Variants in NUP93 observed in about 807,000 individuals in gnomAD.
NUP93 encodes the protein nuclear pore complex protein Nup93.
In NUP93, 55 loss-of-function variants were observed where a neutral mutation model predicts 107.8. The observed-to-expected ratio is 0.51, with a 90% CI of 0.41 to 0.64. The LOEUF (loss-of-function observed/expected upper bound fraction) is 0.64, where lower values mean the gene tolerates loss of function less well. NUP93 is among the 30% of genes least tolerant of loss of function. The probability of loss-of-function intolerance (pLI) is 0.00; values close to 1 mark genes in which losing one functional copy is unlikely to be tolerated. For missense variants in NUP93, 937 were observed against 1,044.7 expected (o/e 0.90, Z 1.42); for synonymous variants, 390 against 397.5 (o/e 0.98, Z 0.22).
At chr16:56,782,341 G>C in intron 3 of NUP93, 1 of 374,342 alleles carries the variant, frequency 2.7e-6, no homozygotes, top group Non-Finnish European at 3.7e-6. Context: ...AGATAAATTT[G>C]GAAGCAGTTA....
intron 8 of NUP93, among the ~76,000 whole-genome samples, chr16:56,828,736 GTTGTGT>G (rs1259548849): frequency 1.3e-5 from 2 of 152,220 alleles, no homozygotes; most frequent in Non-Finnish European, 2.9e-5. Context: ...GAAGTCCACA[GTTGTGT>G]TCCTCCAGGG....
At chr16:56,740,080 C>T (rs1174387745) in intron 1 of NUP93, among the ~76,000 whole-genome samples, 1 of 118,858 alleles carries the variant, frequency 8.4e-6, no homozygotes, top group Non-Finnish European at 1.8e-5. Context: ...GAGGGCTCAC[C>T]CCCCCACCTC....
chr16:56,777,806 T>C (rs1196511574), intron 3 of NUP93, among the ~76,000 whole-genome samples: 1 of 152,232 alleles, frequency 6.6e-6, no homozygotes, highest in Non-Finnish European at 1.5e-5. Context: ...CGCCTTAGTA[T>C]GTTACCACCT....
chr16:56,823,708 G>A lies in NUP93; in HGVS notation c.656G>A (p.Ser219Asn), dbSNP rs1182878018. Residue 219 changes from serine (S) to asparagine (N), a missense_variant and splice_region_variant, in exon 8 of 22, where the codon AGC becomes AAC. Physicochemically the swap from Ser to Asn is conservative, Grantham distance 46. Transcript: ENST00000308159. The stretch of plus-strand genomic sequence containing the variant: ...ACATGCAGTTTCATTTATGTGCAGA[G>A]CATTTCCGACATGTGGACCATGGTA... ...CASVAELDDK[S>N]ISDMWTMVKQ... The A allele has an allele frequency of 1.2e-6, 2 of 1,614,010 alleles. No individual in the cohort carries two copies. The highest frequency in any genetic ancestry group is 1.7e-5 in the Admixed American group (1 of 60,014).
intron 3 of NUP93, among the ~76,000 whole-genome samples, chr16:56,788,912 C>A (rs1962691354): frequency 6.6e-6 from 1 of 152,174 alleles, no homozygotes; most frequent in African/African-American, 2.4e-5. Context: ...GATGACTTTC[C>A]CTGTAGCTTT....
chr16:56,763,752 G>C (rs1962170826), intron 3 of NUP93, among the ~76,000 whole-genome samples: 2 of 151,924 alleles, frequency 1.3e-5, no homozygotes, highest in African/African-American at 4.8e-5. Context: ...AAAACTTCCT[G>C]AATGTTCCCT....
rs530376730 is a variant in NUP93 at position 56,805,114 on chromosome 16, A to G, written c.361-390A>G. Among the ~76,000 whole-genome samples the G allele has an allele frequency of 5.5e-4, 83 of 151,970 alleles. 3 individuals carry two copies. In the South Asian group the frequency reaches 0.017, roughly 31 times the overall value. ...GCTCTGTCACCCAGGAGGGAATGCA[A>G]TGTTGCGATCACAGCTCACTGCAGC... On this transcript the variant is annotated intron_variant, in intron 4 of 21. Coordinates refer to ENST00000308159, the MANE Select transcript of NUP93 (RefSeq NM_014669.5).
chr16:56,808,699 AT>A, intron 5 of NUP93, among the ~76,000 whole-genome samples: 1 of 126,056 alleles, frequency 7.9e-6, no homozygotes, highest in African/African-American at 3.1e-5. Flanking sequence ...TTATAAATAT[AT>A]AAAAATACAT....
chr16:56,748,224 TC>T lies in NUP93; in HGVS notation c.-14-7del, dbSNP rs1424959516. 1 of 1,551,760 alleles carries T rather than the reference TC, an allele frequency of 6.4e-7. No homozygotes were observed. Among genetic ancestry groups the T allele is most frequent in the Non-Finnish European group, 8.8e-7 (1 of 1,140,354 alleles). ...TTGATTTAGATCTTTTCATTTTTTC[TC>T]CCATCTAGGATCTGCATCTCCAATG... is the stretch of plus-strand genomic sequence containing the variant. On this transcript the variant is annotated splice_polypyrimidine_tract_variant and intron_variant, in intron 1 of 21. Transcript: ENST00000308159.
intron 3 of NUP93, among the ~76,000 whole-genome samples, chr16:56,779,590 G>T (rs763567819): frequency 2.0e-5 from 3 of 152,068 alleles, no homozygotes; most frequent in Non-Finnish European, 2.9e-5. Context: ...AGGCATCTGG[G>T]GTCTGAAGGC....
intron 8 of NUP93, among the ~76,000 whole-genome samples, chr16:56,825,915 T>C (rs1251881036): frequency 6.6e-6 from 1 of 152,198 alleles, no homozygotes. Context: ...TCACTGACAG[T>C]ATGCATATAA....
At chr16:56,819,335 CTT>C (rs1310862106) in intron 6 of NUP93, among the ~76,000 whole-genome samples, 2 of 152,190 alleles carry the variant, frequency 1.3e-5, no homozygotes, top group African/African-American at 2.4e-5. Context: ...CTGGAATTGA[CTT>C]TTTAAATAAA....
At chr16:56,801,842 G>A (rs1963027305) in intron 4 of NUP93, among the ~76,000 whole-genome samples, 1 of 152,144 alleles carries the variant, frequency 6.6e-6, no homozygotes, top group African/African-American at 2.4e-5. Context: ...GTGCTAAGCA[G>A]GAGTTCTTGG....
intron 9 of NUP93, among the ~76,000 whole-genome samples, chr16:56,829,816 G>A (rs1963743335): frequency 6.6e-6 from 1 of 152,220 alleles, no homozygotes; most frequent in South Asian, 2.1e-4. Flanking sequence ...GCTCAAAGGG[G>A]TTTAAGTGGG....
chr16:56,736,807 G>C (rs1961621981), intron 1 of NUP93, among the ~76,000 whole-genome samples: 1 of 152,196 alleles, frequency 6.6e-6, no homozygotes, highest in African/African-American at 2.4e-5. Context: ...GACACACACT[G>C]TGAAGTAGGG....
At position 56,807,667 on chromosome 16, in the gene NUP93, TTGAC is replaced by T. The variant is rs542954511; in HGVS notation, c.489+2040_489+2043del. Among the ~76,000 whole-genome samples the T allele has an allele frequency of 1.8e-3, 269 of 152,348 alleles. 1 individual carries two copies. The highest frequency in any genetic ancestry group is 3.3e-3 in the Non-Finnish European group (222 of 68,038). On this transcript the variant is annotated intron_variant, in intron 5 of 21. Transcript: ENST00000308159. ...CCCTTTTCTTAATTGCCAGTGTTAATTGACTGACAGTAGTGCTAAGTTGAAATTT... is the reference window on the plus strand; with the variant it reads ...CCCTTTTCTTAATTGCCAGTGTTAATTGACAGTAGTGCTAAGTTGAAATTT...
chr16:56,787,208 G>T (rs1962647302), intron 3 of NUP93, among the ~76,000 whole-genome samples: 1 of 143,000 alleles, frequency 7.0e-6, no homozygotes, highest in African/African-American at 2.6e-5. Flanking sequence ...TTTGAAGAAA[G>T]AATGTTTGAA....
rs750058314 is a variant in NUP93, at chr16:56,830,520, T to A, written c.928-8T>A. 12 of 1,561,330 alleles carry A rather than the reference T, an allele frequency of 7.7e-6. No homozygotes were observed. Among genetic ancestry groups the A allele is most frequent in the Non-Finnish European group, 1.0e-5 (12 of 1,144,278 alleles). On this transcript the variant is annotated splice_polypyrimidine_tract_variant and splice_region_variant and intron_variant, in intron 9 of 21. Coordinates refer to ENST00000308159, the MANE Select transcript of NUP93 (RefSeq NM_014669.5). ...TTTATTTTGAGCACTTAACTGTTCC[T>A]CTTTTAGGATGGAGAGGTGGAAGGC... is the stretch of plus-strand genomic sequence containing the variant.
At chr16:56,763,337 A>G (rs1291302654) in intron 3 of NUP93, among the ~76,000 whole-genome samples, 2 of 152,194 alleles carry the variant, frequency 1.3e-5, no homozygotes, top group Non-Finnish European at 2.9e-5. Context: ...AAACATGTTA[A>G]CAGTCTGTAA....
Sources: gnomAD v4.1 joint callset for allele counts (sites outside exome capture counted in the v4.1 genomes callset) on GRCh38, gnomAD v4.1.1 for gene constraint, MANE v1.5 for transcripts, NCBI Gene and HGNC (gene_info 2026-07-23, HGNC 2026-07-21) for gene names.